CCSER1: variants seen among roughly 807,000 people sequenced by gnomAD.
CCSER1 encodes the protein serine-rich coiled-coil domain-containing protein 1.
A neutral mutation model predicts 82.0 loss-of-function variants in CCSER1; 41 were observed. The ratio of observed to expected loss-of-function variants is 0.50; its 90% CI spans 0.39 to 0.65. The LOEUF is 0.65. CCSER1 is among the 30% of genes least tolerant of loss of function. The pLI is 0.00. For missense variants in CCSER1, 1,119 were observed against 1,064.2 expected, an observed-to-expected ratio of 1.05 and a Z score of -0.72; for synonymous variants, 414 against 383.9, an observed-to-expected ratio of 1.08 and a Z score of -0.92.
At chr4:91,392,531 G>T (rs1391549810) in intron 10 of CCSER1, among the ~76,000 whole-genome samples, 1 of 151,926 alleles carries the variant, frequency 6.6e-6, no homozygotes. Context: ...GAAATTTCTA[G>T]GGATAATATA....
intron 10 of CCSER1, among the ~76,000 whole-genome samples, chr4:91,283,533 A>C (rs538387542): frequency 6.6e-6 from 1 of 152,290 alleles, no homozygotes; most frequent in East Asian, 1.9e-4. Context: ...TACTTTTCAC[A>C]AAACTTCCTG....
chr4:91,029,692 T>C (rs1231125389), intron 9 of CCSER1, among the ~76,000 whole-genome samples: 1 of 152,128 alleles, frequency 6.6e-6, no homozygotes, highest in African/African-American at 2.4e-5. Context: ...TTAAGTAGGT[T>C]ACCTAATTTA....
At chr4:91,211,080 C>G (rs546123985) in intron 10 of CCSER1, among the ~76,000 whole-genome samples, 3 of 152,038 alleles carry the variant, frequency 2.0e-5, no homozygotes, top group African/African-American at 7.2e-5. Context: ...TGATTTTGCT[C>G]AAGTGATTAA....
intron 10 of CCSER1, among the ~76,000 whole-genome samples, chr4:91,546,831 T>G (rs1048164444): frequency 1.3e-5 from 2 of 152,008 alleles, no homozygotes; most frequent in Non-Finnish European, 2.9e-5. Context: ...TGATTTTAGA[T>G]TTTTCCTTTT....
chr4:90,741,696 T>C (rs1746586753), intron 7 of CCSER1, among the ~76,000 whole-genome samples: 1 of 152,226 alleles, frequency 6.6e-6, no homozygotes, highest in African/African-American at 2.4e-5. Context: ...CAAATATTAC[T>C]TCACAGTTTA....
At chr4:90,639,429 C>CT (rs1726075945) in intron 6 of CCSER1, among the ~76,000 whole-genome samples, 1 of 152,008 alleles carries the variant, frequency 6.6e-6, no homozygotes, top group Non-Finnish European at 1.5e-5. Context: ...GCACATTTGA[C>CT]TTGACACCAC....
At chr4:90,913,639 C>T (rs1726797082) in intron 8 of CCSER1, among the ~76,000 whole-genome samples, 1 of 152,070 alleles carries the variant, frequency 6.6e-6, no homozygotes, top group Admixed American at 6.5e-5. Context: ...TCACACATAA[C>T]AATATTAACC....
intron 10 of CCSER1, among the ~76,000 whole-genome samples, chr4:91,328,166 A>G (rs1746697120): frequency 6.6e-6 from 1 of 152,048 alleles, no homozygotes; most frequent in African/African-American, 2.4e-5. Flanking sequence ...GCAAGACCCA[A>G]CTCCTGATTT....
At chr4:90,712,534 C>G (rs1255105376) in intron 6 of CCSER1, among the ~76,000 whole-genome samples, 1 of 151,970 alleles carries the variant, frequency 6.6e-6, no homozygotes, top group Admixed American at 6.6e-5. Flanking sequence ...TTTGCATTTG[C>G]TGAGGCGTGT....
chr4:90,169,714 C>T (rs574341945), intron 1 of CCSER1, among the ~76,000 whole-genome samples: 1 of 152,134 alleles, frequency 6.6e-6, no homozygotes, highest in Non-Finnish European at 1.5e-5. Context: ...AGCATATGAA[C>T]AGCTTCTTCC....
chr4:90,154,001 A>G (rs1377605192), intron 1 of CCSER1, among the ~76,000 whole-genome samples: 2 of 152,036 alleles, frequency 1.3e-5, no homozygotes, highest in African/African-American at 4.8e-5. Flanking sequence ...TAGGGTTTTT[A>G]AGGTTTTAGG....
At chr4:90,458,232 C>T (rs1174498123) in intron 4 of CCSER1, among the ~76,000 whole-genome samples, 1 of 152,172 alleles carries the variant, frequency 6.6e-6, no homozygotes, top group Non-Finnish European at 1.5e-5. Flanking sequence ...ACCTGTTCCT[C>T]CTTCCACCTG....
chr4:91,220,773 GA>G (rs1485892906), intron 10 of CCSER1, among the ~76,000 whole-genome samples: 1 of 151,904 alleles, frequency 6.6e-6, no homozygotes, highest in East Asian at 1.9e-4. Context: ...AAAAAGGAAA[GA>G]AAAGAAGGAA....
At chr4:90,285,486 T>G (rs1729700117) in intron 1 of CCSER1, among the ~76,000 whole-genome samples, 1 of 152,158 alleles carries the variant, frequency 6.6e-6, no homozygotes, top group South Asian at 2.1e-4. Flanking sequence ...TTGTATGTTG[T>G]TTTTGTATCC....
intron 5 of CCSER1, among the ~76,000 whole-genome samples, chr4:90,507,733 C>T (rs1406026233): frequency 2.0e-5 from 3 of 152,000 alleles, no homozygotes; most frequent in East Asian, 1.9e-4. Context: ...GGCCACTTCT[C>T]TTCAGGGCCT....
chr4:90,863,113 C>T (rs1765303876), intron 8 of CCSER1, among the ~76,000 whole-genome samples: 1 of 151,242 alleles, frequency 6.6e-6, no homozygotes. Flanking sequence ...CAACAGTCCC[C>T]AGAGTGTGAT....
At chr4:91,451,474 A>G (rs1755865395) in intron 10 of CCSER1, among the ~76,000 whole-genome samples, 1 of 152,062 alleles carries the variant, frequency 6.6e-6, no homozygotes, top group Admixed American at 6.6e-5. Flanking sequence ...GCACCCAGAC[A>G]CACTTCAATA....
At chr4:91,114,927 A>T (rs528629726) in intron 10 of CCSER1, among the ~76,000 whole-genome samples, 1 of 152,338 alleles carries the variant, frequency 6.6e-6, no homozygotes, top group South Asian at 2.1e-4. Flanking sequence ...TAATGTAGTC[A>T]TGGAAACAGT....
intron 5 of CCSER1, among the ~76,000 whole-genome samples, chr4:90,557,038 A>G (rs2153645140): frequency 6.6e-6 from 1 of 151,992 alleles, no homozygotes; most frequent in Non-Finnish European, 1.5e-5. Context: ...AAAGTATGCA[A>G]TATATGCTCT....
Sources: allele counts gnomAD v4.1 joint callset (sites outside exome capture counted in the v4.1 genomes callset), GRCh38; gene constraint gnomAD v4.1.1; transcripts MANE v1.5; gene names NCBI Gene and HGNC (gene_info 2026-07-23, HGNC 2026-07-21).